The following MERTK variants were observed in gnomAD, a reference collection of about 807,000 sequenced individuals.
The protein encoded by MERTK is tyrosine-protein kinase Mer.
In MERTK, 69 loss-of-function variants were observed where a neutral mutation model predicts 99.3. That is an observed-to-expected ratio of 0.70 (90% CI 0.57 to 0.85). The LOEUF (loss-of-function observed/expected upper bound fraction) is 0.85, where lower values mean the gene tolerates loss of function less well. MERTK is among the 40% of genes least tolerant of loss of function. The probability of loss-of-function intolerance (pLI) is 0.00; values close to 1 mark genes in which losing one functional copy is unlikely to be tolerated. For synonymous variants in MERTK, 426 were observed against 467.6 expected (o/e 0.91, Z 1.15); for missense variants, 1,125 against 1,249.4 (o/e 0.90, Z 1.50).
chr2:112,023,307 G>A (rs1036043244), intron 18 of MERTK, among the ~76,000 whole-genome samples: 6 of 152,202 alleles, frequency 3.9e-5, no homozygotes, highest in East Asian at 3.9e-4. Flanking sequence ...CCAGCTACTC[G>A]GGAGGCTGAG....
chr2:112,026,561 C>T (rs951143776), intron 18 of MERTK, among the ~76,000 whole-genome samples: 10 of 152,150 alleles, frequency 6.6e-5, no homozygotes, highest in Admixed American at 2.0e-4. Context: ...AAGTGACCAT[C>T]TAAAGAAGGT....
intron 8 of MERTK, among the ~76,000 whole-genome samples, chr2:111,985,292 G>C (rs1376019500): frequency 6.6e-6 from 1 of 152,154 alleles, no homozygotes; most frequent in Non-Finnish European, 1.5e-5. Context: ...GCTGGGTGAT[G>C]ATGCCTGGGT....
Position 112,008,774 on chromosome 2 carries a change from G to C in MERTK, c.1960+299G>C, listed in dbSNP as rs1677038758. 6 of 461,558 alleles carry C rather than the reference G, an allele frequency of 1.3e-5. No homozygotes were observed. In the Admixed American group the frequency reaches 2.1e-4, roughly 16 times the overall value. 28.6% of individuals were successfully genotyped at this position (461,558 alleles called of 1,614,324 possible). A position where few individuals can be genotyped will look rare whatever the true frequency, so the allele number is the denominator to read the frequency against. ...TTACTCAAAGGCAAGACACAGAGGT[G>C]GTTGTGTTATAATTTTTATTAATTT... On this transcript the variant is annotated intron_variant, in intron 14 of 18. Transcript: ENST00000295408.
In MERTK at chr2:111,898,629, C is replaced by T; in HGVS notation, c.-107C>T. On this transcript the variant is annotated 5_prime_UTR_variant, in exon 1 of 19. Coordinates refer to ENST00000295408, the MANE Select transcript of MERTK (RefSeq NM_006343.3). ...GCCACTCGGCACTCACTGCCCGGGC[C>T]GCCCGGACAGGGAGCTTCGCTGGCG... The T allele has an allele frequency of 7.3e-7, 1 of 1,364,112 alleles. No individual in the cohort carries two copies. The highest frequency in any genetic ancestry group is 1.0e-6 in the Non-Finnish European group (1 of 980,770). The allele number at this position is 1,364,112 out of a possible 1,614,324, so 84.5% of individuals were successfully genotyped here.
At position 111,947,542 on chromosome 2, in the gene MERTK, A is replaced by G. The variant is rs1265437249; in HGVS notation, c.732A>G (p.Lys244=). ...GCCGTGTTAACGAACAGCCTGAAAA[A>G]TCCCCCTCCGTGCTAACTGTTCCAG... ...NSSRVNEQPE[K]SPSVLTVPGL... is the part of the protein sequence containing the mutation. The change falls in exon 4 of 19, where the codon AAA becomes AAG. Residue 244 remains lysine (K), a synonymous_variant. Transcript: ENST00000295408. 4.3e-6 allele frequency: 7 copies of G among 1,614,010 alleles called. No homozygotes were observed. The East Asian group carries it at 1.1e-4, about 26-fold the overall frequency.
rs138226978 is a variant in MERTK, at chr2:111,929,564, T to A, written c.482+24T>A. 1.7e-4 allele frequency: 249 copies of A among 1,492,150 alleles called. 2 individuals are homozygous for A. In the East Asian group the frequency reaches 5.6e-3, roughly 33 times the overall value. The allele number at this position is 1,492,150 out of a possible 1,614,324, so 92.4% of individuals were successfully genotyped here. ...AGGTATGTGTTCTTTCTTCCTTTTT[T>A]ATTTTTTTAGTTTTAATATTTATTT... On this transcript the variant is annotated intron_variant, in intron 2 of 18. Coordinates refer to ENST00000295408, the MANE Select transcript of MERTK (RefSeq NM_006343.3).
chr2:112,004,443 T>C (rs916234919), intron 13 of MERTK, among the ~76,000 whole-genome samples: 4 of 152,148 alleles, frequency 2.6e-5, no homozygotes, highest in African/African-American at 9.7e-5. Context: ...GCGGGCTGCC[T>C]GGCAAGTAAG....
At position 111,979,268 on chromosome 2, in the gene MERTK, C is replaced by T. The variant is rs1676319271; in HGVS notation, c.1145-3574C>T. Among the ~76,000 whole-genome samples, 3 of 152,168 alleles carry T rather than the reference C, an allele frequency of 2.0e-5. No homozygotes were observed. The South Asian group carries it at 6.2e-4, about 32-fold the overall frequency. On this transcript the variant is annotated intron_variant, in intron 7 of 18. Coordinates refer to ENST00000295408, the MANE Select transcript of MERTK (RefSeq NM_006343.3). ...TGTAATACTGGCTTAGTAATTTTTC[C>T]AAATATAGAAATTTAGGTTGAAATT...
At chr2:111,961,728 A>C (rs1685255380) in intron 4 of MERTK, among the ~76,000 whole-genome samples, 1 of 152,178 alleles carries the variant, frequency 6.6e-6, no homozygotes, top group South Asian at 2.1e-4. Context: ...AAATAACAAA[A>C]ACCCACCAGC....
intron 2 of MERTK, among the ~76,000 whole-genome samples, chr2:111,930,834 A>G (rs1186115501): frequency 6.6e-6 from 1 of 151,910 alleles, no homozygotes; most frequent in South Asian, 2.1e-4. Context: ...CCCCTTTTGT[A>G]TTCTCCACTC....
At chr2:111,979,959 C>T (rs1676334912) in intron 7 of MERTK, among the ~76,000 whole-genome samples, 1 of 152,134 alleles carries the variant, frequency 6.6e-6, no homozygotes, top group South Asian at 2.1e-4. Flanking sequence ...CTGTCTGCTC[C>T]TATGGAAGAG....
At chr2:111,973,529 A>G (rs1676166871) in intron 6 of MERTK, among the ~76,000 whole-genome samples, 1 of 152,110 alleles carries the variant, frequency 6.6e-6, no homozygotes, top group Non-Finnish European at 1.5e-5. Context: ...TGGTTCATTG[A>G]CCTAAGATTC....
intron 10 of MERTK, 136 bp from the exon 11 acceptor site, chr2:112,001,065 G>T (rs1037235419): frequency 2.9e-6 from 2 of 699,824 alleles, no homozygotes; most frequent in African/African-American, 1.8e-5. Flanking sequence ...AAAGAAACAC[G>T]TTTCTTCTAG....
intron 1 of MERTK, among the ~76,000 whole-genome samples, chr2:111,924,329 G>A (rs765036066): frequency 4.6e-5 from 7 of 152,180 alleles, no homozygotes; most frequent in Non-Finnish European, 1.0e-4. Flanking sequence ...CTGAGCCTGA[G>A]CAGCCTCGAG....
intron 15 of MERTK, among the ~76,000 whole-genome samples, chr2:112,015,241 T>A (rs565707616): frequency 3.5e-4 from 53 of 152,348 alleles, no homozygotes; most frequent in African/African-American, 1.0e-3. Context: ...TTTAACCTTA[T>A]AAGAACTGTT....
In MERTK at chr2:111,982,901, G is replaced by C. The variant is rs779539292; in HGVS notation, c.1204G>C (p.Asp402His). The change falls in exon 8 of 19, where the codon GAC (aspartate) becomes CAC (histidine). Residue 402 changes from aspartate to histidine, a missense_variant. By Grantham distance (81) the Asp-to-His change is moderately conservative. Transcript: ENST00000295408. The part of the protein sequence containing the change: ...VFLNESSDNV[D>H]IRWMKPPTKQ... ...TCTGAATGAATCTAGTGATAATGTG[G>C]ACATCAGATGGATGAAGCCTCCGAC... The C allele has an allele frequency of 6.2e-7, 1 of 1,614,092 alleles. No homozygotes were observed. The highest frequency in any genetic ancestry group is 8.5e-7 in the Non-Finnish European group (1 of 1,179,998).
chr2:112,010,250 T>C, intron 15 of MERTK, 184 bp downstream of exon 15: 1 of 594,754 alleles, frequency 1.7e-6, no homozygotes, highest in Non-Finnish European at 3.1e-6. Context: ...CTGCTCCAGG[T>C]ATTATTATCC....
chr2:111,933,692 G>T (rs966839341), intron 2 of MERTK, among the ~76,000 whole-genome samples: 3 of 152,094 alleles, frequency 2.0e-5, no homozygotes, highest in Non-Finnish European at 2.9e-5. Flanking sequence ...TGGCACAATC[G>T]TGAGTTACTA....
intron 1 of MERTK, among the ~76,000 whole-genome samples, chr2:111,922,758 G>A (rs1264113281): frequency 2.0e-5 from 3 of 152,228 alleles, no homozygotes; most frequent in Non-Finnish European, 2.9e-5. Context: ...GAGGGACTGG[G>A]TGGGCCTCAG....
Sources: allele counts gnomAD v4.1 joint callset (sites outside exome capture counted in the v4.1 genomes callset), GRCh38; gene constraint gnomAD v4.1.1; transcripts MANE v1.5; gene names NCBI Gene and HGNC (gene_info 2026-07-23, HGNC 2026-07-21).